The following GCC2 variants were observed in gnomAD, a reference collection of about 807,000 sequenced individuals.
The protein encoded by GCC2 is GRIP and coiled-coil domain containing 2, also known as GRIP and coiled-coil domain-containing protein 2.
Under a neutral mutation model 210.6 loss-of-function variants are expected in GCC2, and 120 were observed. That is an observed-to-expected ratio of 0.57 (90% CI 0.49 to 0.66). The LOEUF (loss-of-function observed/expected upper bound fraction) is 0.66, where lower values mean the gene tolerates loss of function less well. GCC2 is among the 30% of genes least tolerant of loss of function. GCC2 has a pLI of 0.00. For synonymous variants in GCC2, 703 were observed against 652.7 expected, an observed-to-expected ratio of 1.08 and a Z score of -1.17; for missense variants, 1,868 against 1,871.9, an observed-to-expected ratio of 1.00 and a Z score of 0.04.
rs1199922291 is a variant in GCC2, at chr2:108,505,524, T to C, written c.4985-2036T>C. Among the ~76,000 whole-genome samples, 4 of 152,154 alleles carry C rather than the reference T, an allele frequency of 2.6e-5. 1 individual carries two copies. In the South Asian group the frequency reaches 8.3e-4, roughly 32 times the overall value. On this transcript the variant is annotated intron_variant, in intron 22 of 22. Transcript: ENST00000309863. Reference sequence around the variant, plus strand: ...AGCAAAAATGATAGATTACAAGAGATTGTGGCTTCTATCTTGCTAGCGGAC... The same window carrying C: ...AGCAAAAATGATAGATTACAAGAGACTGTGGCTTCTATCTTGCTAGCGGAC...
chr2:108,483,723 T>G (rs1361168989), intron 12 of GCC2, among the ~76,000 whole-genome samples: 1 of 152,200 alleles, frequency 6.6e-6, no homozygotes, highest in Non-Finnish European at 1.5e-5. Flanking sequence ...TATACATGAT[T>G]GTTGTATGAC....
At chr2:108,482,211 T>C in intron 10 of GCC2, 76 bp from the exon 11 acceptor site, 1 of 805,918 alleles carries the variant, frequency 1.2e-6, no homozygotes, top group Non-Finnish European at 2.0e-6. Flanking sequence ...ATATTCTCAT[T>C]AATGTACCTG....
Position 108,481,760 on chromosome 2 carries a change from A to G in GCC2, c.3124A>G (p.Asn1042Asp). ...GGATGTGGAAAAAGAACGTGCTAAT[A>G]ATTTTGAGCATCGTATTGAAGACCT... ...QLDVEKERAN[N>D]FEHRIEDLTR... The change falls in exon 10 of 23, where the codon AAT (asparagine) becomes GAT (aspartate). Residue 1042 changes from asparagine to aspartate, a missense_variant. Physicochemically the swap from Asn to Asp is conservative, Grantham distance 23. Transcript: ENST00000309863. 1.2e-6 allele frequency: 2 copies of G among 1,604,472 alleles called. No homozygotes were observed. The highest frequency in any genetic ancestry group is 1.3e-5 in the African/African-American group (1 of 74,748).
chr2:108,471,880 C>T lies in GCC2; in HGVS notation c.2551C>T (p.Gln851Ter), dbSNP rs775964196. Reference sequence around the variant, plus strand: ...CTTAAGGAAAGAGTTAGAAGAAATACAGTCAGAAAAAGAGGCCCTGCAGTC... The same window carrying T: ...CTTAAGGAAAGAGTTAGAAGAAATATAGTCAGAAAAAGAGGCCCTGCAGTC... ...VLLRKELEEI[Q>*]SEKEALQSDL... is the part of the protein sequence containing the mutation. The change falls in exon 6 of 23, where the codon CAG becomes TAG. Residue 851 changes from glutamine (Q) to a stop codon, truncating the protein, a stop_gained. Coordinates refer to ENST00000309863, the MANE Select transcript of GCC2 (RefSeq NM_181453.4). LOFTEE classifies it high-confidence loss of function. 6.2e-7 allele frequency: 1 copy of T among 1,609,070 alleles called. No individual in the cohort carries two copies. The highest frequency in any genetic ancestry group is 8.5e-7 in the Non-Finnish European group (1 of 1,178,352).
At chr2:108,455,906 G>A (rs1352877896) in intron 4 of GCC2, among the ~76,000 whole-genome samples, 1 of 152,136 alleles carries the variant, frequency 6.6e-6, no homozygotes, top group Non-Finnish European at 1.5e-5. Flanking sequence ...TTGTTATATT[G>A]ATTTGTTTTC....
intron 18 of GCC2, among the ~76,000 whole-genome samples, chr2:108,491,481 T>C (rs192235117): frequency 1.2e-4 from 19 of 152,382 alleles, no homozygotes; most frequent in African/African-American, 4.1e-4. Flanking sequence ...AACTTAGTAA[T>C]TAAGATTTCT....
intron 22 of GCC2, among the ~76,000 whole-genome samples, chr2:108,503,531 C>T (rs1257235585): frequency 6.6e-6 from 1 of 152,150 alleles, no homozygotes; most frequent in Non-Finnish European, 1.5e-5. Flanking sequence ...TGACTGGTCA[C>T]ACTAGGGGCA....
chr2:108,486,961 T>G (rs529836321), intron 16 of GCC2, among the ~76,000 whole-genome samples: 1 of 152,308 alleles, frequency 6.6e-6, no homozygotes, highest in Non-Finnish European at 1.5e-5. Flanking sequence ...GCTAAATGAT[T>G]ATAAAATAAC....
At chr2:108,504,722 A>G (rs1277918271) in intron 22 of GCC2, among the ~76,000 whole-genome samples, 1 of 152,142 alleles carries the variant, frequency 6.6e-6, no homozygotes, top group Non-Finnish European at 1.5e-5. Flanking sequence ...CAAAATTTGA[A>G]TCTCAATTTT....
chr2:108,462,376 C>A (rs1680639892), intron 4 of GCC2, among the ~76,000 whole-genome samples: 1 of 144,682 alleles, frequency 6.9e-6, no homozygotes, highest in African/African-American at 2.5e-5. Flanking sequence ...CGCCTGTAGT[C>A]CCAGCTACTC....
rs537987710 is a variant in GCC2 at position 108,498,702 on chromosome 2, T to C, written c.4783-851T>C. ...CATCCTATTACCTTTTTTATATCAT[T>C]CTTTGCCTCATTTTTCTGATAGTGT... On this transcript the variant is annotated intron_variant, in intron 21 of 22. Transcript: ENST00000309863. 2.0e-5 allele frequency among the ~76,000 whole-genome samples: 3 copies of C among 152,316 alleles called. No homozygotes were observed. In the East Asian group the frequency reaches 5.8e-4, roughly 29 times the overall value.
chr2:108,455,746 G>A (rs942041437), intron 4 of GCC2, among the ~76,000 whole-genome samples: 4 of 152,032 alleles, frequency 2.6e-5, no homozygotes, highest in African/African-American at 7.2e-5. Context: ...TGGAAATGGC[G>A]TGATCTTATT....
At position 108,481,781 on chromosome 2, in the gene GCC2, GACCTT is replaced by G; in HGVS notation, c.3148_3152del (p.Leu1050LysfsTer11). 2 of 1,586,442 alleles carry G rather than the reference GACCTT, an allele frequency of 1.3e-6. No homozygotes were observed. The highest frequency in any genetic ancestry group is 1.7e-6 in the Non-Finnish European group (2 of 1,168,968). The stretch of plus-strand genomic sequence containing the variant: ...TAATAATTTTGAGCATCGTATTGAA[GACCTT>G]ACAAGACAATTAAGAAATTCGACTT... On this transcript the variant is annotated frameshift_variant, in exon 10 of 23. Coordinates refer to ENST00000309863, the MANE Select transcript of GCC2 (RefSeq NM_181453.4). LOFTEE classifies it high-confidence loss of function.
chr2:108,502,997 C>CA (rs1180778483), intron 22 of GCC2, among the ~76,000 whole-genome samples: 1 of 147,200 alleles, frequency 6.8e-6, no homozygotes, highest in East Asian at 2.0e-4. Context: ...ATGGGAGAAA[C>CA]AAAAAACAAT....
At position 108,508,591 on chromosome 2, in the gene GCC2, T is replaced by C. The variant is rs1683326605; in HGVS notation, c.*961T>C. 1 of 150,948 alleles carries C rather than the reference T, an allele frequency of 6.6e-6. No homozygotes were observed. Among genetic ancestry groups the C allele is most frequent in the African/African-American group, 2.5e-5 (1 of 40,688 alleles). The allele number at this position is 150,948 out of a possible 1,614,324, so 9.4% of individuals were successfully genotyped here. The stretch of plus-strand genomic sequence containing the variant: ...AATAAAAACCTATCACAACAGTGAC[T>C]ATATCACTCAGCATTGGATCTAAAT... On this transcript the variant is annotated 3_prime_UTR_variant, in exon 23 of 23. Coordinates refer to ENST00000309863, the MANE Select transcript of GCC2 (RefSeq NM_181453.4).
intron 22 of GCC2, among the ~76,000 whole-genome samples, chr2:108,500,323 G>A (rs549982697): frequency 6.6e-6 from 1 of 152,166 alleles, no homozygotes; most frequent in East Asian, 1.9e-4. Context: ...GACCATCCTG[G>A]CCAACATGGT....
intron 4 of GCC2, 31 bp from the exon 5 acceptor site, chr2:108,468,948 AC>A: frequency 7.1e-7 from 1 of 1,408,874 alleles, no homozygotes; most frequent in South Asian, 1.2e-5. Context: ...CCATTTTTTA[AC>A]CCCAGGCAAA....
chr2:108,491,924 G>C (rs1682423053), intron 18 of GCC2, among the ~76,000 whole-genome samples: 2 of 151,922 alleles, frequency 1.3e-5, no homozygotes, highest in Admixed American at 1.3e-4. Flanking sequence ...CTAAAAGTAG[G>C]AAATTCCTGG....
chr2:108,482,115 A>G (rs910183732), intron 10 of GCC2, among the ~76,000 whole-genome samples, 172 bp from the exon 11 acceptor site: 4 of 152,140 alleles, frequency 2.6e-5, no homozygotes, highest in African/African-American at 9.7e-5. Context: ...CCATATTAGT[A>G]TTTCAATGAC....
Sources: gnomAD v4.1 joint callset for allele counts (sites outside exome capture counted in the v4.1 genomes callset) on GRCh38, gnomAD v4.1.1 for gene constraint, MANE v1.5 for transcripts, NCBI Gene and HGNC (gene_info 2026-07-23, HGNC 2026-07-21) for gene names.